Variants in NPBWR2 observed in about 807,000 individuals in gnomAD.
NPBWR2 encodes neuropeptides B and W receptor 2.
For synonymous variants in NPBWR2, 207 were observed against 223.5 expected (o/e 0.93, Z 0.66); for missense variants, 390 against 458.2 (o/e 0.85, Z 1.36).
rs774395947 is a variant in NPBWR2 at position 64,106,572 on chromosome 20, A to G, written c.260T>C (p.Leu87Pro). 6.2e-7 allele frequency: 1 copy of G among 1,611,854 alleles called. No homozygotes were observed. The highest frequency in any genetic ancestry group is 8.5e-7 in the Non-Finnish European group (1 of 1,179,962). ...KTVTNVFILN[L>P]AVADGLFTLV... ...CGTGAAGAGCCCGTCGGCGACGGCC[A>G]GGTTCAGGATGAACACGTTGGTCAC... Residue 87 changes from leucine (L) to proline (P), a missense_variant, in exon 2 of 2, where the codon CTG (leucine) becomes CCG (proline). By Grantham distance (98) the Leu-to-Pro change is moderately conservative. Coordinates refer to ENST00000684052, the MANE Select transcript of NPBWR2 (RefSeq NM_005286.4). This position sits in a 1 kb window ranked among gnomAD's most constrained non-coding sequence, Gnocchi z 9.5.
Position 64,105,787 on chromosome 20 carries a change from G to GTGA in NPBWR2, c.*40_*42dup. The GTGA allele has an allele frequency of 8.9e-6, 10 of 1,125,156 alleles. 1 individual carries two copies. Among genetic ancestry groups the GTGA allele is most frequent in the Non-Finnish European group, 1.2e-5 (10 of 813,750 alleles). 69.7% of individuals were successfully genotyped at this position (1,125,156 alleles called of 1,614,324 possible). ...ATGATGGGCGTGATGATGATGGGGG[G>GTGA]TGATGATGGGCATGATGATGGGGGT... On this transcript the variant is annotated 3_prime_UTR_variant, in exon 2 of 2. Transcript: ENST00000684052.
Position 64,106,111 on chromosome 20 carries a change from C to A in NPBWR2, c.721G>T (p.Ala241Ser). The A allele has an allele frequency of 1.9e-6, 3 of 1,611,878 alleles. No homozygotes were observed. The highest frequency in any genetic ancestry group is 2.5e-6 in the Non-Finnish European group (3 of 1,179,726). Residue 241 changes from alanine (A) to serine (S), a missense_variant, in exon 2 of 2, where the codon GCC becomes TCC. Transcript: ENST00000684052. This position sits in a 1 kb window ranked among gnomAD's most constrained non-coding sequence, Gnocchi z 9.5. Reference sequence around the variant, plus strand: ...TTGGCTCCAGAGCGGAGCCGCACGGCCCGCAGCCTGCGCAGGAGGTCTGTG... The same window carrying A: ...TTGGCTCCAGAGCGGAGCCGCACGGACCGCAGCCTGCGCAGGAGGTCTGTG... Reference protein sequence around the residue: ...LYTDLLRRLRAVRLRSGAKAL... With the variant: ...LYTDLLRRLRSVRLRSGAKAL...
At position 64,106,828 on chromosome 20, in the gene NPBWR2, G is replaced by A. The variant is rs1980071789; in HGVS notation, c.4C>T (p.Gln2Ter). ...AGGGGCTCTGGGTGCCCAGCGGCCT[G>A]CATTGTAGCTGGGACCGTTGACGAT... The part of the protein sequence containing the change: M[Q>*]AAGHPEPLDS... The change falls in exon 2 of 2, where the codon CAG (glutamine) becomes TAG (stop). Residue 2 changes from glutamine to a stop codon, truncating the protein, a stop_gained. Coordinates refer to ENST00000684052, the MANE Select transcript of NPBWR2 (RefSeq NM_005286.4). LOFTEE classifies it low-confidence loss of function (END_TRUNC). This position sits in a 1 kb window ranked among gnomAD's most constrained non-coding sequence, Gnocchi z 9.5. 3.7e-6 allele frequency: 6 copies of A among 1,608,672 alleles called. No homozygotes were observed. The highest frequency in any genetic ancestry group is 5.1e-6 in the Non-Finnish European group (6 of 1,176,838).
rs1007088882 is a variant in NPBWR2 at position 64,106,899 on chromosome 20, T to C, written c.-68A>G. ...AGGTGCCTTGGAGTTGGGTATCTGG[T>C]TGGGGGCCTCCTTGGGCTGGATTCT... On this transcript the variant is annotated 5_prime_UTR_variant, in exon 2 of 2. Coordinates refer to ENST00000684052, the MANE Select transcript of NPBWR2 (RefSeq NM_005286.4). The surrounding 1 kb of genome is among the most constrained non-coding windows in gnomAD (Gnocchi z 9.5). 1.1e-4 allele frequency: 173 copies of C among 1,544,136 alleles called. No homozygotes were observed. Among genetic ancestry groups the C allele is most frequent in the Non-Finnish European group, 8.5e-5 (97 of 1,140,468 alleles).
rs1980095670 is a variant in NPBWR2 at position 64,107,519 on chromosome 20, C to G, written c.-247G>C. Among the ~76,000 whole-genome samples, 1 of 152,214 alleles carries G rather than the reference C, an allele frequency of 6.6e-6. No homozygotes were observed. Reference sequence around the variant, plus strand: ...TTTCAAGACCTGCCCTGCTGGCTGCCTCAGCCCCGGCTGCGAGGTTCCCAG... The same window carrying G: ...TTTCAAGACCTGCCCTGCTGGCTGCGTCAGCCCCGGCTGCGAGGTTCCCAG... On this transcript the variant is annotated 5_prime_UTR_variant, in exon 1 of 2. Coordinates refer to ENST00000684052, the MANE Select transcript of NPBWR2 (RefSeq NM_005286.4). The surrounding 1 kb of genome is among the most constrained non-coding windows in gnomAD (Gnocchi z 6.3).
Position 64,106,491 on chromosome 20 carries a change from T to TC in NPBWR2, c.340dup (p.Glu114GlyfsTer208). On this transcript the variant is annotated frameshift_variant, in exon 2 of 2. Transcript: ENST00000684052. LOFTEE classifies it low-confidence loss of function (END_TRUNC). This position sits in a 1 kb window ranked among gnomAD's most constrained non-coding sequence, Gnocchi z 9.5. The stretch of plus-strand genomic sequence containing the variant: ...GGCCAGCACCAGCTTGCAGAGCAGC[T>TC]CCCCGAAGGGCCAGTACTGCAGCAG... The TC allele has an allele frequency of 6.2e-7, 1 of 1,612,474 alleles. No homozygotes were observed.
At position 64,106,788 on chromosome 20, in the gene NPBWR2, G is replaced by T; in HGVS notation, c.44C>A (p.Ser15Tyr). The change falls in exon 2 of 2, where the codon TCC becomes TAC. Residue 15 changes from serine (S) to tyrosine (Y), a missense_variant. Coordinates refer to ENST00000684052, the MANE Select transcript of NPBWR2 (RefSeq NM_005286.4). The surrounding 1 kb of genome is among the most constrained non-coding windows in gnomAD (Gnocchi z 9.5). Reference sequence around the variant, plus strand: ...GGCACCCATCGTGGGGAGGGAGAAGGAGCCCCTGCTGTCAAGGGGCTCTGG... The same window carrying T: ...GGCACCCATCGTGGGGAGGGAGAAGTAGCCCCTGCTGTCAAGGGGCTCTGG... ...GHPEPLDSRG[S>Y]FSLPTMGANV... 2 of 1,612,486 alleles carry T rather than the reference G, an allele frequency of 1.2e-6. No homozygotes were observed. Among genetic ancestry groups the T allele is most frequent in the Admixed American group, 1.7e-5 (1 of 60,022 alleles).
At position 64,106,425 on chromosome 20, in the gene NPBWR2, G is replaced by A. The variant is rs775373864; in HGVS notation, c.407C>T (p.Ala136Val). 6.8e-6 allele frequency: 11 copies of A among 1,612,692 alleles called. No homozygotes were observed. In the African/African-American group the frequency reaches 9.3e-5, roughly 14 times the overall value. The change falls in exon 2 of 2, where the codon GCC becomes GTC. Residue 136 changes from alanine (A) to valine (V), a missense_variant. Coordinates refer to ENST00000684052, the MANE Select transcript of NPBWR2 (RefSeq NM_005286.4). The surrounding 1 kb of genome is among the most constrained non-coding windows in gnomAD (Gnocchi z 9.5). The stretch of plus-strand genomic sequence containing the variant: ...CAGGTATCGGTCCACGCTCATCACG[G>A]CTAGGAAGTAGATGCTGGAGAAGAT... ...YNIFSSIYFL[A>V]VMSVDRYLVV...
Position 64,105,905 on chromosome 20 carries a change from C to G in NPBWR2, c.927G>C (p.Ser309=), listed in dbSNP as rs754405735. The G allele has an allele frequency of 6.3e-7, 1 of 1,598,528 alleles. No homozygotes were observed. Among genetic ancestry groups the G allele is most frequent in the Non-Finnish European group, 8.5e-7 (1 of 1,171,156 alleles). The change falls in exon 2 of 2, where the codon TCG becomes TCC. Residue 309 remains serine (S), a synonymous_variant. Transcript: ENST00000684052. ...YVITSLSYAN[S]CLNPFLYAFL... ...AGGCGTAGAGGAAGGGGTTCAGGCACGAGTTGGCGTAGCTGAGGCTGGTGA... is the reference window on the plus strand; with the variant it reads ...AGGCGTAGAGGAAGGGGTTCAGGCAGGAGTTGGCGTAGCTGAGGCTGGTGA...
Position 64,106,860 on chromosome 20 carries a change from C to G in NPBWR2, c.-29G>C, listed in dbSNP as rs199948074. On this transcript the variant is annotated 5_prime_UTR_variant, in exon 2 of 2. Coordinates refer to ENST00000684052, the MANE Select transcript of NPBWR2 (RefSeq NM_005286.4). The surrounding 1 kb of genome is among the most constrained non-coding windows in gnomAD (Gnocchi z 9.5). ...AGCTGGGACCGTTGACGATTTGCGC[C>G]CTGGGCAGGTGGGAGGTGCCTTGGA... 1.2e-3 allele frequency: 1,980 copies of G among 1,594,060 alleles called. 10 individuals carry two copies. The highest frequency in any genetic ancestry group is 1.0e-3 in the Non-Finnish European group (1,192 of 1,166,858).
chr20:64,103,905 C>T lies in NPBWR2; in HGVS notation c.*1925G>A, dbSNP rs374952306. 3.2e-4 allele frequency among the ~76,000 whole-genome samples: 48 copies of T among 152,314 alleles called. No homozygotes were observed. Among genetic ancestry groups the T allele is most frequent in the South Asian group, 1.2e-3 (6 of 4,834 alleles). ...CCGTGGCGTGTTTGGCTGGCTAGCA[C>T]GGAGGAGGGGCACTGCTGCAGGCCT... On this transcript the variant is annotated 3_prime_UTR_variant, in exon 2 of 2. Transcript: ENST00000684052.
rs747968053 is a variant in NPBWR2 at position 64,105,845 on chromosome 20, G to A, written c.987C>T (p.Ser329=). The A allele has an allele frequency of 1.0e-5, 16 of 1,578,898 alleles. No individual in the cohort carries two copies. Among genetic ancestry groups the A allele is most frequent in the Non-Finnish European group, 1.7e-6 (2 of 1,158,232 alleles). ...LDDNFRKNFR[S]ILRC ...CCCAGGCCCTTCAGCACCGCAATAT[G>A]CTGCGGAAGTTCTTCCGGAAGTTGT... The change falls in exon 2 of 2, where the codon AGC becomes AGT. Residue 329 remains serine, a synonymous_variant. Coordinates refer to ENST00000684052, the MANE Select transcript of NPBWR2 (RefSeq NM_005286.4).
chr20:64,105,717 G>GGCGTGATGGTGGATGTGA lies in NPBWR2; in HGVS notation c.*112_*113insTCACATCCACCATCACGC. On this transcript the variant is annotated 3_prime_UTR_variant, in exon 2 of 2. Transcript: ENST00000684052. The stretch of plus-strand genomic sequence containing the variant: ...GGTGGGGGTGATGGTGGGGGTGGTG[G>GGCGTGATGGTGGATGTGA]TGGGGGTGGGGGGGGGTGGGCCTGA... The GGCGTGATGGTGGATGTGA allele has an allele frequency of 4.1e-5, 9 of 218,422 alleles. No homozygotes were observed. Among genetic ancestry groups the GGCGTGATGGTGGATGTGA allele is most frequent in the Non-Finnish European group, 7.4e-6 (1 of 135,142 alleles). 13.5% of individuals were successfully genotyped at this position (218,422 alleles called of 1,614,324 possible). A position where few individuals can be genotyped will look rare whatever the true frequency, so the allele number is the denominator to read the frequency against.
rs1047341666 is a variant in NPBWR2 at position 64,107,462 on chromosome 20, C to T, written c.-190G>A. On this transcript the variant is annotated 5_prime_UTR_variant, in exon 1 of 2. Transcript: ENST00000684052. The surrounding 1 kb of genome is among the most constrained non-coding windows in gnomAD (Gnocchi z 6.3). ...GGGATGGAGGGCGAGGTGTGGTCCTCACTGACAGACCTCCAGCTGAGGTTT... is the reference window on the plus strand; with the variant it reads ...GGGATGGAGGGCGAGGTGTGGTCCTTACTGACAGACCTCCAGCTGAGGTTT... 9.2e-5 allele frequency among the ~76,000 whole-genome samples: 14 copies of T among 152,212 alleles called. No homozygotes were observed. Among genetic ancestry groups the T allele is most frequent in the Non-Finnish European group, 2.1e-4 (14 of 68,036 alleles).
Position 64,106,681 on chromosome 20 carries a change from C to T in NPBWR2, c.151G>A (p.Val51Met), listed in dbSNP as rs765996283. 2.0e-5 allele frequency: 33 copies of T among 1,612,676 alleles called. No individual in the cohort carries two copies. The highest frequency in any genetic ancestry group is 1.9e-4 in the South Asian group (17 of 91,084). ...CCCACAGCACAGATCCCGGAGTACA[C>T]GGCGGGCAGGAGCACATAGAGGAAC... ...LPFLYVLLPA[V>M]YSGICAVGLT... The change falls in exon 2 of 2, where the codon GTG (valine) becomes ATG (methionine). Residue 51 changes from valine (V) to methionine (M), a missense_variant. Physicochemically the swap from Val to Met is conservative, Grantham distance 21. Coordinates refer to ENST00000684052, the MANE Select transcript of NPBWR2 (RefSeq NM_005286.4). This position sits in a 1 kb window ranked among gnomAD's most constrained non-coding sequence, Gnocchi z 9.5.
Position 64,106,789 on chromosome 20 carries a change from AG to A in NPBWR2, c.42del (p.Ser15ProfsTer46), listed in dbSNP as rs768681675. 6.2e-7 allele frequency: 1 copy of A among 1,612,426 alleles called. No individual in the cohort carries two copies. The highest frequency in any genetic ancestry group is 8.5e-7 in the Non-Finnish European group (1 of 1,179,710). The stretch of plus-strand genomic sequence containing the variant: ...GCACCCATCGTGGGGAGGGAGAAGG[AG>A]CCCCTGCTGTCAAGGGGCTCTGGGT... The part of the protein sequence containing the change: ...AGHPEPLDSR[G>X]SFSLPTMGAN... On this transcript the variant is annotated frameshift_variant, in exon 2 of 2. Transcript: ENST00000684052. LOFTEE classifies it low-confidence loss of function (END_TRUNC). The surrounding 1 kb of genome is among the most constrained non-coding windows in gnomAD (Gnocchi z 9.5).
Position 64,107,338 on chromosome 20 carries a change from G to T in NPBWR2, c.-92+26C>A, listed in dbSNP as rs1980088205. ...CCGAGAGATGCTGCAGACCCTGCTGGTCCAGCTACTCTTCTCTCCACTGAC... is the reference window on the plus strand; with the variant it reads ...CCGAGAGATGCTGCAGACCCTGCTGTTCCAGCTACTCTTCTCTCCACTGAC... On this transcript the variant is annotated intron_variant, in intron 1 of 1. Coordinates refer to ENST00000684052, the MANE Select transcript of NPBWR2 (RefSeq NM_005286.4). This position sits in a 1 kb window ranked among gnomAD's most constrained non-coding sequence, Gnocchi z 6.3. Among the ~76,000 whole-genome samples, 1 of 152,184 alleles carries T rather than the reference G, an allele frequency of 6.6e-6. No homozygotes were observed. The highest frequency in any genetic ancestry group is 2.1e-4 in the South Asian group (1 of 4,828).
At position 64,106,894 on chromosome 20, in the gene NPBWR2, T is replaced by A; in HGVS notation, c.-63A>T. ...GTGGGAGGTGCCTTGGAGTTGGGTATCTGGTTGGGGGCCTCCTTGGGCTGG... is the reference window on the plus strand; with the variant it reads ...GTGGGAGGTGCCTTGGAGTTGGGTAACTGGTTGGGGGCCTCCTTGGGCTGG... On this transcript the variant is annotated 5_prime_UTR_variant, in exon 2 of 2. Transcript: ENST00000684052. This position sits in a 1 kb window ranked among gnomAD's most constrained non-coding sequence, Gnocchi z 9.5. 6.4e-7 allele frequency: 1 copy of A among 1,561,916 alleles called. No individual in the cohort carries two copies. The highest frequency in any genetic ancestry group is 1.8e-5 in the Admixed American group (1 of 55,212).
chr20:64,106,225 A>G lies in NPBWR2; in HGVS notation c.607T>C (p.Trp203Arg), dbSNP rs1160895244. Residue 203 changes from tryptophan to arginine, a missense_variant, in exon 2 of 2, where the codon TGG becomes CGG. By Grantham distance (101) the Trp-to-Arg change is moderately radical (BLOSUM62 -3). Transcript: ENST00000684052. This position sits in a 1 kb window ranked among gnomAD's most constrained non-coding sequence, Gnocchi z 9.5. ...QVPSCGLSFPWPEQVWFKASR... is the reference protein window; with the variant it reads ...QVPSCGLSFPRPEQVWFKASR... Reference sequence around the variant, plus strand: ...GCCTTGAACCAGACCTGCTCGGGCCACGGGAAGCTCAGCCCACAGCTTGGG... The same window carrying G: ...GCCTTGAACCAGACCTGCTCGGGCCGCGGGAAGCTCAGCCCACAGCTTGGG... The G allele has an allele frequency of 1.2e-6, 2 of 1,612,618 alleles. No homozygotes were observed. The highest frequency in any genetic ancestry group is 8.5e-7 in the Non-Finnish European group (1 of 1,179,960).
Sources: allele counts gnomAD v4.1 joint callset (sites outside exome capture counted in the v4.1 genomes callset), GRCh38; gene constraint gnomAD v4.1.1; non-coding constraint Gnocchi (gnomAD v3.1); transcripts MANE v1.5; gene names NCBI Gene and HGNC (gene_info 2026-07-23, HGNC 2026-07-21).